RBFOX1: variants seen among roughly 807,000 people sequenced by gnomAD.
RBFOX1 encodes RNA binding fox-1 homolog 1.
Under a neutral mutation model 57.7 loss-of-function variants are expected in RBFOX1, and 8 were observed. The ratio of observed to expected loss-of-function variants is 0.14; its 90% CI spans 0.08 to 0.25. RBFOX1 has a LOEUF of 0.25. Among genes scored for constraint, RBFOX1 ranks in the 10% least tolerant of loss-of-function variants. RBFOX1 has a pLI of 1.00. For missense variants in RBFOX1, 611 were observed against 548.5 expected (o/e 1.11, Z -1.14); for synonymous variants, 326 against 222.4 (o/e 1.47, Z -4.15).
At chr16:7,075,899 GT>G (rs1346816426) in intron 4 of RBFOX1, among the ~76,000 whole-genome samples, 1 of 151,740 alleles carries the variant, frequency 6.6e-6, no homozygotes, top group East Asian at 2.0e-4. Context: ...ATTTCAACAT[GT>G]AAACAATTTC....
intron 2 of RBFOX1, among the ~76,000 whole-genome samples, chr16:6,626,551 G>C (rs751439033): frequency 6.6e-6 from 1 of 152,180 alleles, no homozygotes; most frequent in Non-Finnish European, 1.5e-5. Flanking sequence ...CCTGGGATCA[G>C]GAGTTCGAGA....
intron 3 of RBFOX1, among the ~76,000 whole-genome samples, chr16:6,738,425 G>A (rs1296672693): frequency 6.6e-6 from 1 of 152,048 alleles, no homozygotes; most frequent in Non-Finnish European, 1.5e-5. Context: ...TAGGAGCCCA[G>A]GAGAGTATTT....
chr16:7,095,502 G>A (rs779636500), intron 4 of RBFOX1, among the ~76,000 whole-genome samples: 8 of 152,180 alleles, frequency 5.3e-5, no homozygotes, highest in Non-Finnish European at 1.2e-4. Flanking sequence ...TATCTGTGAT[G>A]TGGAGTTGTG....
intron 1 of RBFOX1, among the ~76,000 whole-genome samples, chr16:6,025,245 C>T (rs901732167): frequency 2.6e-5 from 4 of 152,140 alleles, no homozygotes; most frequent in Admixed American, 6.5e-5. Context: ...GGTCTGTGGA[C>T]GTAGTGACAT....
At chr16:6,944,826 G>T (rs562682914) in intron 3 of RBFOX1, among the ~76,000 whole-genome samples, 1 of 152,232 alleles carries the variant, frequency 6.6e-6, no homozygotes, top group East Asian at 1.9e-4. Context: ...GAGGGCTTTG[G>T]GTATGATTTG....
intron 1 of RBFOX1, among the ~76,000 whole-genome samples, chr16:5,311,592 C>G (rs2064090422): frequency 1.3e-5 from 2 of 152,176 alleles, no homozygotes; most frequent in Admixed American, 1.3e-4. Context: ...AATAATCATT[C>G]TTGCTGGAGT....
intron 1 of RBFOX1, among the ~76,000 whole-genome samples, chr16:6,061,903 C>T (rs924061789): frequency 9.9e-5 from 15 of 152,184 alleles, no homozygotes; most frequent in African/African-American, 3.1e-4. Flanking sequence ...AGGATTCTGC[C>T]GCCAAGACTG....
At chr16:7,708,112 G>A (rs557070772) in intron 14 of RBFOX1, among the ~76,000 whole-genome samples, 1 of 152,224 alleles carries the variant, frequency 6.6e-6, no homozygotes, top group African/African-American at 2.4e-5. Context: ...GCTGAGGCTG[G>A]TAGACTACTT....
intron 4 of RBFOX1, among the ~76,000 whole-genome samples, chr16:7,393,247 G>T (rs1208149981): frequency 6.6e-6 from 1 of 152,186 alleles, no homozygotes; most frequent in East Asian, 1.9e-4. Context: ...CCTGATGGAA[G>T]AGCTATGGCC....
chr16:7,624,584 C>A (rs1375732338), intron 10 of RBFOX1, among the ~76,000 whole-genome samples: 1 of 152,160 alleles, frequency 6.6e-6, no homozygotes, highest in Non-Finnish European at 1.5e-5. Context: ...CCAATAAGTA[C>A]CAGCCAAATG....
At chr16:5,263,186 T>C (rs2062777828) in intron 1 of RBFOX1, among the ~76,000 whole-genome samples, 1 of 151,990 alleles carries the variant, frequency 6.6e-6, no homozygotes, top group Non-Finnish European at 1.5e-5. Context: ...AATACAGATA[T>C]GGGAATCAAC....
chr16:7,573,359 G>C (rs908636789), intron 5 of RBFOX1, among the ~76,000 whole-genome samples: 2 of 152,124 alleles, frequency 1.3e-5, no homozygotes, highest in Non-Finnish European at 2.9e-5. Context: ...TGACGATCCA[G>C]GTTGGAGACC....
intron 4 of RBFOX1, among the ~76,000 whole-genome samples, chr16:7,353,688 T>A (rs990304792): frequency 2.6e-5 from 4 of 152,168 alleles, no homozygotes; most frequent in African/African-American, 9.6e-5. Context: ...TTGTACTAAG[T>A]GAGTGAAGTC....
intron 1 of RBFOX1, among the ~76,000 whole-genome samples, chr16:6,152,320 C>T (rs547938521): frequency 1.3e-5 from 2 of 152,278 alleles, no homozygotes; most frequent in African/African-American, 4.8e-5. Context: ...TTTTCTCCTG[C>T]TCTCTGTCTT....
At chr16:6,962,577 A>C (rs908140616) in intron 3 of RBFOX1, among the ~76,000 whole-genome samples, 14 of 152,102 alleles carry the variant, frequency 9.2e-5, no homozygotes, top group Non-Finnish European at 1.3e-4. Flanking sequence ...TGTTAACATG[A>C]GGCTTGGAGC....
chr16:7,101,178 C>G (rs1258185418), intron 4 of RBFOX1, among the ~76,000 whole-genome samples: 1 of 152,166 alleles, frequency 6.6e-6, no homozygotes, highest in Non-Finnish European at 1.5e-5. Context: ...GCTATGCATG[C>G]AGGCAGAGCT....
chr16:5,398,318 C>T (rs988128175), intron 1 of RBFOX1, among the ~76,000 whole-genome samples: 4 of 151,002 alleles, frequency 2.6e-5, no homozygotes, highest in South Asian at 2.1e-4. Context: ...CATGTGTGCT[C>T]GTGTGCATAT....
In RBFOX1 at chr16:5,926,654, C is replaced by T. The variant is rs766237474; in HGVS notation, c.351+59319C>T. Among the ~76,000 whole-genome samples the T allele has an allele frequency of 2.6e-5, 4 of 152,220 alleles. No individual in the cohort carries two copies. The East Asian group carries it at 5.8e-4, about 22-fold the overall frequency. ...TATTTATTTTTGCAATGCCTGGATC[C>T]GTGGTTTACAAATTGGATTCTTAGC... On this transcript the variant is annotated intron_variant, in intron 4 of 19. Coordinates refer to the RBFOX1 transcript ENST00000641259.
In RBFOX1 at chr16:5,881,446, G is replaced by A. The variant is rs564004250; in HGVS notation, c.351+14111G>A. Among the ~76,000 whole-genome samples, 21 of 152,306 alleles carry A rather than the reference G, an allele frequency of 1.4e-4. No individual in the cohort carries two copies. The East Asian group carries it at 4.1e-3, about 29-fold the overall frequency. On this transcript the variant is annotated intron_variant, in intron 4 of 19. Coordinates refer to the RBFOX1 transcript ENST00000641259. Reference sequence around the variant, plus strand: ...TGTAATCCCAGCACTTTGGGAGGCTGAGGCAGGTGGATCACTTGAGGTGAA... The same window carrying A: ...TGTAATCCCAGCACTTTGGGAGGCTAAGGCAGGTGGATCACTTGAGGTGAA...
Sources: gnomAD v4.1 joint callset for allele counts (sites outside exome capture counted in the v4.1 genomes callset) on GRCh38, gnomAD v4.1.1 for gene constraint, MANE v1.5 for transcripts, NCBI Gene and HGNC (gene_info 2026-07-23, HGNC 2026-07-21) for gene names.